The following ZC2HC1C variants were observed in gnomAD, a reference collection of about 807,000 sequenced individuals.
ZC2HC1C encodes the protein zinc finger C2HC-type containing 1C.
ZC2HC1C carries 25 observed loss-of-function variants against 39.2 expected under a neutral mutation model. The observed-to-expected ratio is 0.64, with a 90% CI of 0.47 to 0.89. ZC2HC1C has a LOEUF of 0.89. Among genes scored for constraint, ZC2HC1C ranks in the 40% least tolerant of loss-of-function variants. ZC2HC1C has a pLI of 0.00. For synonymous variants in ZC2HC1C, 209 were observed against 214.4 expected (o/e 0.97, Z 0.22); for missense variants, 519 against 548.6 (o/e 0.95, Z 0.54).
chr14:75,077,363 C>T (rs1056619613), intron 2 of ZC2HC1C, among the ~76,000 whole-genome samples, 169 bp from the exon 3 acceptor site: 1 of 152,210 alleles, frequency 6.6e-6, no homozygotes, highest in Non-Finnish European at 1.5e-5. Flanking sequence ...CCTTTGCAGG[C>T]CCTTGGTTTG....
Position 75,072,962 on chromosome 14 carries a change from C to A in ZC2HC1C, c.1338+1051C>A, listed in dbSNP as rs187386342. 2.9e-3 allele frequency among the ~76,000 whole-genome samples: 441 copies of A among 152,210 alleles called. 8 individuals are homozygous for A. Among genetic ancestry groups the A allele is most frequent in the African/African-American group, 0.01 (423 of 41,516 alleles). Reference sequence around the variant, plus strand: ...AGCGTAGATCATATGATCTCAGAGGCCCCATCTAGTTCTAATATTCCAGAA... The same window carrying A: ...AGCGTAGATCATATGATCTCAGAGGACCCATCTAGTTCTAATATTCCAGAA... On this transcript the variant is annotated intron_variant, in intron 2 of 2. Coordinates refer to ENST00000524913, the MANE Select transcript of ZC2HC1C (RefSeq NM_024643.4).
intron 2 of ZC2HC1C, among the ~76,000 whole-genome samples, chr14:75,076,404 G>T (rs988865986): frequency 6.6e-6 from 1 of 152,068 alleles, no homozygotes; most frequent in African/African-American, 2.4e-5. Flanking sequence ...GAATAGCTGG[G>T]ACTACAGGCG....
chr14:75,071,668 C>A lies in ZC2HC1C; in HGVS notation c.1095C>A (p.Ala365=). 6.2e-7 allele frequency: 1 copy of A among 1,614,192 alleles called. No homozygotes were observed. The highest frequency in any genetic ancestry group is 8.5e-7 in the Non-Finnish European group (1 of 1,180,030). The change falls in exon 2 of 3, where the codon GCC becomes GCA. Residue 365 remains alanine (A), a synonymous_variant. Coordinates refer to ENST00000524913, the MANE Select transcript of ZC2HC1C (RefSeq NM_024643.4). ...ETPVGALQGS[A]RNSSLSMAPD... ...CAGTCGGTGCTTTGCAGGGATCCGCCAGAAATTCCAGCCTGTCCATGGCAC... is the reference window on the plus strand; with the variant it reads ...CAGTCGGTGCTTTGCAGGGATCCGCAAGAAATTCCAGCCTGTCCATGGCAC...
chr14:75,078,093 C>T lies in ZC2HC1C; in HGVS notation c.*529C>T, dbSNP rs1193093949. 9 of 154,090 alleles carry T rather than the reference C, an allele frequency of 5.8e-5. No homozygotes were observed. The highest frequency in any genetic ancestry group is 5.8e-4 in the Admixed American group (9 of 15,526). 9.5% of individuals were successfully genotyped at this position (154,090 alleles called of 1,614,324 possible). On this transcript the variant is annotated 3_prime_UTR_variant, in exon 3 of 3. Transcript: ENST00000524913. ...CCATTAAAGCTCTTTTCTTGCATGC[C>T]TGACTTGTGGTTTGTGCTAGTTAAG... is the stretch of plus-strand genomic sequence containing the variant.
At chr14:75,070,385 A>T (rs960974208) in intron 1 of ZC2HC1C, among the ~76,000 whole-genome samples, 170 bp from the exon 2 acceptor site, 1 of 152,156 alleles carries the variant, frequency 6.6e-6, no homozygotes, top group African/African-American at 2.4e-5. Flanking sequence ...CTTGTGCATA[A>T]TCACTCACCA....
intron 2 of ZC2HC1C, among the ~76,000 whole-genome samples, chr14:75,075,410 G>A (rs894486287): frequency 6.6e-6 from 1 of 152,166 alleles, no homozygotes; most frequent in African/African-American, 2.4e-5. Flanking sequence ...AGCTTACTAA[G>A]AAGGGTGCAT....
chr14:75,073,807 T>TA (rs1320907186), intron 2 of ZC2HC1C, among the ~76,000 whole-genome samples: 1 of 152,210 alleles, frequency 6.6e-6, no homozygotes, highest in East Asian at 1.9e-4. Context: ...TTATAGGAAT[T>TA]AGAGTATAAG....
chr14:75,070,806 C>A lies in ZC2HC1C; in HGVS notation c.233C>A (p.Thr78Lys). Residue 78 changes from threonine (T) to lysine (K), a missense_variant, in exon 2 of 3, where the codon ACA becomes AAA. Transcript: ENST00000524913. ...ACTCACCCCAAATGGAACACCCAAACAAAAGCCCGGAGCTACTCCTATCCC... is the reference window on the plus strand; with the variant it reads ...ACTCACCCCAAATGGAACACCCAAAAAAAAGCCCGGAGCTACTCCTATCCC... ...VYTHPKWNTQ[T>K]KARSYSYPHC... 6.2e-7 allele frequency: 1 copy of A among 1,614,218 alleles called. No individual in the cohort carries two copies. The highest frequency in any genetic ancestry group is 1.3e-5 in the African/African-American group (1 of 75,054).
At position 75,071,425 on chromosome 14, in the gene ZC2HC1C, T is replaced by A; in HGVS notation, c.852T>A (p.Pro284=). ...ATAAAAGCAACACCATGTACAAACC[T>A]ATCTTCTCCCCAGAATTTGAGTTTG... ...KGNKSNTMYK[P]IFSPEFEFEE... Residue 284 remains proline (P), a synonymous_variant, in exon 2 of 3, where the codon CCT becomes CCA. Transcript: ENST00000524913. 1 of 1,614,150 alleles carries A rather than the reference T, an allele frequency of 6.2e-7. No individual in the cohort carries two copies. Among genetic ancestry groups the A allele is most frequent in the South Asian group, 1.1e-5 (1 of 91,082 alleles).
Position 75,071,903 on chromosome 14 carries a change from T to C in ZC2HC1C, c.1330T>C (p.Ser444Pro). 2 of 1,588,262 alleles carry C rather than the reference T, an allele frequency of 1.3e-6. No homozygotes were observed. The highest frequency in any genetic ancestry group is 1.7e-6 in the Non-Finnish European group (2 of 1,168,342). ...EQYLNWKGPASAKAEPPQKSN... is the reference protein window; with the variant it reads ...EQYLNWKGPAPAKAEPPQKSN... Reference sequence around the variant, plus strand: ...GTACTTGAACTGGAAGGGGCCAGCTTCAGCCAAGGTAACAAGAGCCTTATG... The same window carrying C: ...GTACTTGAACTGGAAGGGGCCAGCTCCAGCCAAGGTAACAAGAGCCTTATG... The change falls in exon 2 of 3, where the codon TCA becomes CCA. Residue 444 changes from serine to proline, a missense_variant. Transcript: ENST00000524913.
intron 2 of ZC2HC1C, among the ~76,000 whole-genome samples, chr14:75,076,817 T>C (rs1015319553): frequency 1.3e-5 from 2 of 152,224 alleles, no homozygotes; most frequent in African/African-American, 4.8e-5. Context: ...TTTTAGCAAA[T>C]ATCTGATGAT....
rs766107682 is a variant in ZC2HC1C, at chr14:75,071,813, C to T, written c.1240C>T (p.Arg414Trp). ...ERHSNICSRM[R>W]GSKRKVFDSS... ...ACACTCCAACATCTGCAGCAGGATG[C>T]GGGGTTCCAAGAGGAAAGTGTTTGA... The change falls in exon 2 of 3, where the codon CGG becomes TGG. Residue 414 changes from arginine to tryptophan, a missense_variant. By Grantham distance (101) the Arg-to-Trp change is moderately radical. Coordinates refer to ENST00000524913, the MANE Select transcript of ZC2HC1C (RefSeq NM_024643.4). 1.1e-5 allele frequency: 17 copies of T among 1,613,984 alleles called. No homozygotes were observed. In the African/African-American group the frequency reaches 1.7e-4, roughly 16 times the overall value.
chr14:75,075,375 C>G (rs1441490609), intron 2 of ZC2HC1C, among the ~76,000 whole-genome samples: 1 of 152,162 alleles, frequency 6.6e-6, no homozygotes, highest in Non-Finnish European at 1.5e-5. Flanking sequence ...CTTCCTTTTT[C>G]TTGCATTACT....
chr14:75,075,617 C>CT (rs1055848004), intron 2 of ZC2HC1C, among the ~76,000 whole-genome samples: 156 of 151,482 alleles, frequency 1.0e-3, no homozygotes, highest in African/African-American at 3.2e-3. Context: ...TACAAGAAAC[C>CT]TTTTTTTTTA....
intron 2 of ZC2HC1C, 106 bp from the exon 3 acceptor site, chr14:75,077,424 TGA>T: frequency 6.9e-7 from 1 of 1,441,100 alleles, no homozygotes; most frequent in East Asian, 2.3e-5. Context: ...CTGTTCTCTT[TGA>T]CCTTGCAGAT....
Position 75,071,257 on chromosome 14 carries a change from A to G in ZC2HC1C, c.684A>G (p.Arg228=). 6.2e-7 allele frequency: 1 copy of G among 1,614,206 alleles called. No individual in the cohort carries two copies. The highest frequency in any genetic ancestry group is 8.5e-7 in the Non-Finnish European group (1 of 1,180,036). ...GGGAGAGCTTAGAGGAGGAAATCCGAAGAAAGCAGATTCTCCTGAGGGGAA... is the reference window on the plus strand; with the variant it reads ...GGGAGAGCTTAGAGGAGGAAATCCGGAGAAAGCAGATTCTCCTGAGGGGAA... ...AAGESLEEEI[R]RKQILLRGKL... The change falls in exon 2 of 3, where the codon CGA becomes CGG. Residue 228 remains arginine, a synonymous_variant. Transcript: ENST00000524913.
chr14:75,072,499 G>A (rs1893475149), intron 2 of ZC2HC1C, among the ~76,000 whole-genome samples: 3 of 152,194 alleles, frequency 2.0e-5, no homozygotes, highest in African/African-American at 4.8e-5. Flanking sequence ...CATTTAGAAT[G>A]TAAACACCTT....
rs770176325 is a variant in ZC2HC1C, at chr14:75,071,412, C to G, written c.839C>G (p.Thr280Ser). 1 of 1,614,124 alleles carries G rather than the reference C, an allele frequency of 6.2e-7. No homozygotes were observed. The highest frequency in any genetic ancestry group is 8.5e-7 in the Non-Finnish European group (1 of 1,180,034). The change falls in exon 2 of 3, where the codon ACC becomes AGC. Residue 280 changes from threonine (T) to serine (S), a missense_variant. Transcript: ENST00000524913. ...RSRVKGNKSN[T>S]MYKPIFSPEF... Reference sequence around the variant, plus strand: ...AGAGTTAAAGGTAATAAAAGCAACACCATGTACAAACCTATCTTCTCCCCA... The same window carrying G: ...AGAGTTAAAGGTAATAAAAGCAACAGCATGTACAAACCTATCTTCTCCCCA...
In ZC2HC1C at chr14:75,069,710, G is replaced by A. The variant is rs1014010301; in HGVS notation, c.-59G>A. 6.2e-6 allele frequency: 1 copy of A among 161,704 alleles called. No homozygotes were observed. The highest frequency in any genetic ancestry group is 1.3e-5 in the Non-Finnish European group (1 of 74,668). The allele number at this position is 161,704 out of a possible 1,614,324, so 10.0% of individuals were successfully genotyped here. A position where few individuals can be genotyped will look rare whatever the true frequency, so the allele number is the denominator to read the frequency against. ...GGTCAGGTCTGGGAAACTAGGCCCT[G>A]GGGTTTTCCCTGAGCAGGAGCGGTG... On this transcript the variant is annotated 5_prime_UTR_variant, in exon 1 of 3. Coordinates refer to ENST00000524913, the MANE Select transcript of ZC2HC1C (RefSeq NM_024643.4).
Sources: gnomAD v4.1 joint callset for allele counts (sites outside exome capture counted in the v4.1 genomes callset) on GRCh38, gnomAD v4.1.1 for gene constraint, MANE v1.5 for transcripts, NCBI Gene and HGNC (gene_info 2026-07-23, HGNC 2026-07-21) for gene names.